The following UBE2O variants were observed in gnomAD, a reference collection of about 807,000 sequenced individuals.
UBE2O encodes ubiquitin conjugating enzyme E2 O.
UBE2O carries 15 observed loss-of-function variants against 125.8 expected under a neutral mutation model. The ratio of observed to expected loss-of-function variants is 0.12; its 90% CI spans 0.08 to 0.18. UBE2O has a LOEUF of 0.18. UBE2O is among the 10% of genes least tolerant of loss of function. UBE2O has a pLI of 1.00. For synonymous variants in UBE2O, 708 were observed against 703.2 expected, an observed-to-expected ratio of 1.01 and a Z score of -0.11; for missense variants, 1,280 against 1,723.6, an observed-to-expected ratio of 0.74 and a Z score of 4.56.
intron 1 of UBE2O, among the ~76,000 whole-genome samples, chr17:76,439,852 C>T (rs922896265): frequency 2.6e-5 from 4 of 152,234 alleles, no homozygotes; most frequent in African/African-American, 9.6e-5. Context: ...CCCACCACAT[C>T]CTTCAGCATC....
Position 76,439,233 on chromosome 17 carries a change from C to T in UBE2O, c.417+13492G>A, listed in dbSNP as rs549799555. ...CCTACTTCACGGGGTTCTCCAGTGA[C>T]TGTGCCTAGAACGCGGCAGGTGCCA... On this transcript the variant is annotated intron_variant, in intron 1 of 17. Transcript: ENST00000319380. Among the ~76,000 whole-genome samples the T allele has an allele frequency of 6.6e-5, 10 of 152,322 alleles. No homozygotes were observed. In the East Asian group the frequency reaches 1.7e-3, roughly 26 times the overall value.
Position 76,400,583 on chromosome 17 carries a change from G to T in UBE2O, c.895-33C>A. On this transcript the variant is annotated intron_variant, in intron 6 of 17. Coordinates refer to ENST00000319380, the MANE Select transcript of UBE2O (RefSeq NM_022066.4). The surrounding 1 kb of genome is among the most constrained non-coding windows in gnomAD (Gnocchi z 4.3). The stretch of plus-strand genomic sequence containing the variant: ...TGGCAGGTGGGACACGCCAGTCAGG[G>T]CAGGCTCTGACAGCACTCTCTTTAG... 6.6e-7 allele frequency: 1 copy of T among 1,510,444 alleles called. No individual in the cohort carries two copies. The allele number at this position is 1,510,444 out of a possible 1,614,324, so 93.6% of individuals were successfully genotyped here.
chr17:76,401,940 C>T (rs936140504), intron 5 of UBE2O, 124 bp downstream of exon 5: 17 of 841,252 alleles, frequency 2.0e-5, no homozygotes, highest in East Asian at 5.8e-5. Flanking sequence ...GACCCTCTGG[C>T]GCGCACCCGC....
rs747681036 is a variant in UBE2O, at chr17:76,404,655, G to A, written c.588+551C>T. On this transcript the variant is annotated intron_variant, in intron 3 of 17. Coordinates refer to ENST00000319380, the MANE Select transcript of UBE2O (RefSeq NM_022066.4). The surrounding 1 kb of genome is among the most constrained non-coding windows in gnomAD (Gnocchi z 4.3). ...CTGGGGGTTATATGGTGGTTGCACA[G>A]GAGGCTGTCCTCATTTTTGGAAAAC... Among the ~76,000 whole-genome samples, 1 of 152,216 alleles carries A rather than the reference G, an allele frequency of 6.6e-6. No homozygotes were observed. Among genetic ancestry groups the A allele is most frequent in the Non-Finnish European group, 1.5e-5 (1 of 68,048 alleles).
intron 1 of UBE2O, among the ~76,000 whole-genome samples, chr17:76,441,990 G>C (rs190510373): frequency 5.7e-4 from 87 of 152,308 alleles, no homozygotes; most frequent in African/African-American, 1.7e-3. Flanking sequence ...AGCCTCGTTC[G>C]TACTTAGCCA....
At position 76,404,002 on chromosome 17, in the gene UBE2O, A is replaced by T. The variant is rs187008821; in HGVS notation, c.588+1204T>A. Among the ~76,000 whole-genome samples, 3 of 151,658 alleles carry T rather than the reference A, an allele frequency of 2.0e-5. No individual in the cohort carries two copies. The highest frequency in any genetic ancestry group is 4.8e-5 in the African/African-American group (2 of 41,314). On this transcript the variant is annotated intron_variant, in intron 3 of 17. Coordinates refer to ENST00000319380, the MANE Select transcript of UBE2O (RefSeq NM_022066.4). This position sits in a 1 kb window ranked among gnomAD's most constrained non-coding sequence, Gnocchi z 4.3. ...CAGAAATCTCTAAGTCCATACTGAT[A>T]AAAAAAAAGAATACATAAATAGGGC...
chr17:76,394,526 T>C (rs1028149939), intron 15 of UBE2O, among the ~76,000 whole-genome samples: 23 of 152,176 alleles, frequency 1.5e-4, no homozygotes, highest in African/African-American at 5.1e-4. Context: ...TCAACACAGG[T>C]TGGTCTTAAG....
Position 76,402,514 on chromosome 17 carries a change from T to G in UBE2O, c.686+88A>C. ...TGCCCTTGATCAAACCTGTCATCACTGTCCCCAGGAGGAAACACCCTCCTC... is the reference window on the plus strand; with the variant it reads ...TGCCCTTGATCAAACCTGTCATCACGGTCCCCAGGAGGAAACACCCTCCTC... On this transcript the variant is annotated intron_variant, in intron 4 of 17. Coordinates refer to ENST00000319380, the MANE Select transcript of UBE2O (RefSeq NM_022066.4). This position sits in a 1 kb window ranked among gnomAD's most constrained non-coding sequence, Gnocchi z 5.4. 1.7e-6 allele frequency: 2 copies of G among 1,143,932 alleles called. No individual in the cohort carries two copies. Among genetic ancestry groups the G allele is most frequent in the East Asian group, 4.7e-5 (2 of 42,740 alleles). 70.9% of individuals were successfully genotyped at this position (1,143,932 alleles called of 1,614,324 possible).
rs1163921200 is a variant in UBE2O at position 76,400,301 on chromosome 17, G to A, written c.1005-4C>T. ...AAAGCATCCGAGACGCTTCACCCTG[G>A]TTGGGGAAGAAGTGGGGGTGAGCTG... On this transcript the variant is annotated splice_polypyrimidine_tract_variant and splice_region_variant and intron_variant, in intron 7 of 17. Transcript: ENST00000319380. The surrounding 1 kb of genome is among the most constrained non-coding windows in gnomAD (Gnocchi z 4.3). 2.5e-6 allele frequency: 4 copies of A among 1,613,082 alleles called. No individual in the cohort carries two copies. The highest frequency in any genetic ancestry group is 2.5e-6 in the Non-Finnish European group (3 of 1,179,460).
rs764375159 is a variant in UBE2O, at chr17:76,399,826, C to A, written c.1251G>T (p.Lys417Asn). The change falls in exon 9 of 18, where the codon AAG becomes AAT. Residue 417 changes from lysine (K) to asparagine (N), a missense_variant. Transcript: ENST00000319380. This position sits in a 1 kb window ranked among gnomAD's most constrained non-coding sequence, Gnocchi z 6.9. ...SRDHSMEDPDKKGESKTKSEA... is the reference protein window; with the variant it reads ...SRDHSMEDPDNKGESKTKSEA... ...CGCTCTTGGTTTTGGATTCCCCCTT[C>A]TTGTCTGGGTCTTCCATGGAATGGT... 1 of 1,614,194 alleles carries A rather than the reference C, an allele frequency of 6.2e-7. No individual in the cohort carries two copies. Among genetic ancestry groups the A allele is most frequent in the South Asian group, 1.1e-5 (1 of 91,082 alleles).
intron 1 of UBE2O, among the ~76,000 whole-genome samples, chr17:76,451,982 C>G (rs976957098): frequency 2.0e-5 from 3 of 152,060 alleles, no homozygotes; most frequent in Admixed American, 6.6e-5. Flanking sequence ...CAAGAAAAAA[C>G]CTTCGGGTTT....
chr17:76,430,231 T>C (rs1337822903), intron 1 of UBE2O, among the ~76,000 whole-genome samples: 2 of 152,232 alleles, frequency 1.3e-5, no homozygotes, highest in Non-Finnish European at 2.9e-5. Flanking sequence ...CTTGTGGGTT[T>C]ATACATCTAA....
chr17:76,424,516 A>G (rs2072771531), intron 1 of UBE2O, among the ~76,000 whole-genome samples: 1 of 151,872 alleles, frequency 6.6e-6, no homozygotes, highest in Non-Finnish European at 1.5e-5. Context: ...GCCCACTAGT[A>G]TTTTTTATAT....
At chr17:76,430,185 G>C (rs1052836807) in intron 1 of UBE2O, among the ~76,000 whole-genome samples, 2 of 152,266 alleles carry the variant, frequency 1.3e-5, no homozygotes, top group South Asian at 4.1e-4. Context: ...AGAAATTGGA[G>C]ATCTTTTGTT....
Position 76,400,084 on chromosome 17 carries a change from C to A in UBE2O, c.1155+63G>T. The A allele has an allele frequency of 6.4e-7, 1 of 1,574,266 alleles. No homozygotes were observed. The highest frequency in any genetic ancestry group is 8.6e-7 in the Non-Finnish European group (1 of 1,158,574). On this transcript the variant is annotated intron_variant, in intron 8 of 17. Transcript: ENST00000319380. The surrounding 1 kb of genome is among the most constrained non-coding windows in gnomAD (Gnocchi z 4.3). ...CTAAAGCACAGACTGTCCTTCTTGGCCATGGAAATGGCTCAAGGCCAGTTC... is the reference window on the plus strand; with the variant it reads ...CTAAAGCACAGACTGTCCTTCTTGGACATGGAAATGGCTCAAGGCCAGTTC...
At position 76,395,950 on chromosome 17, in the gene UBE2O, A is replaced by G. The variant is rs1228586207; in HGVS notation, c.2810-89T>C. ...TGGCTGGACAGGTGAGCACACCCAC[A>G]GACTTCCCACTCGCCGCTGCTGGCC... On this transcript the variant is annotated intron_variant, in intron 14 of 17. Transcript: ENST00000319380. This position sits in a 1 kb window ranked among gnomAD's most constrained non-coding sequence, Gnocchi z 5.0. The G allele has an allele frequency of 1.3e-6, 2 of 1,578,824 alleles. No individual in the cohort carries two copies. The highest frequency in any genetic ancestry group is 2.2e-5 in the South Asian group (2 of 89,820).
chr17:76,445,962 G>A (rs944276648), intron 1 of UBE2O, among the ~76,000 whole-genome samples: 2 of 152,156 alleles, frequency 1.3e-5, no homozygotes, highest in Non-Finnish European at 2.9e-5. Flanking sequence ...ACCCATTCAT[G>A]GGCAAGTGGA....
rs1230323300 is a variant in UBE2O at position 76,390,675 on chromosome 17, T to G, written c.*268A>C. On this transcript the variant is annotated 3_prime_UTR_variant, in exon 18 of 18. Transcript: ENST00000319380. Reference sequence around the variant, plus strand: ...GCAAGGGAGCAAGTGCCGGACATTCTGCTGGGGTGACAAATGGAAAATCGG... The same window carrying G: ...GCAAGGGAGCAAGTGCCGGACATTCGGCTGGGGTGACAAATGGAAAATCGG... The G allele has an allele frequency of 1.0e-5, 4 of 382,484 alleles. No homozygotes were observed. The highest frequency in any genetic ancestry group is 6.2e-5 in the African/African-American group (3 of 48,170). The allele number at this position is 382,484 out of a possible 1,614,324, so 23.7% of individuals were successfully genotyped here.
At chr17:76,420,207 C>G (rs893666141) in intron 1 of UBE2O, among the ~76,000 whole-genome samples, 2 of 152,204 alleles carry the variant, frequency 1.3e-5, no homozygotes, top group African/African-American at 4.8e-5. Flanking sequence ...AAAGGAGCCA[C>G]TCAGCAGTGC....
Sources: allele counts gnomAD v4.1 joint callset (sites outside exome capture counted in the v4.1 genomes callset), GRCh38; gene constraint gnomAD v4.1.1; non-coding constraint Gnocchi (gnomAD v3.1); transcripts MANE v1.5; gene names NCBI Gene and HGNC (gene_info 2026-07-23, HGNC 2026-07-21).